The following ADAM22 variants were observed in gnomAD, a reference collection of about 807,000 sequenced individuals.
ADAM22 encodes the protein disintegrin and metalloproteinase domain-containing protein 22.
ADAM22 carries 65 observed loss-of-function variants against 144.6 expected under a neutral mutation model. The ratio of observed to expected loss-of-function variants is 0.45; its 90% CI spans 0.37 to 0.55. The LOEUF is 0.55. Among genes scored for constraint, ADAM22 ranks in the 20% least tolerant of loss-of-function variants. The probability of loss-of-function intolerance (pLI) is 0.00; values close to 1 mark genes in which losing one functional copy is unlikely to be tolerated. For synonymous variants in ADAM22, 391 were observed against 412.6 expected (o/e 0.95, Z 0.63); for missense variants, 974 against 1,184.9 (o/e 0.82, Z 2.61).
At chr7:88,154,288 C>T (rs1471892736) in intron 21 of ADAM22, among the ~76,000 whole-genome samples, 1 of 152,284 alleles carries the variant, frequency 6.6e-6, no homozygotes, top group South Asian at 2.1e-4. Flanking sequence ...ACCTATTCAA[C>T]AATTGTCCCC....
rs1826856290 is a variant in ADAM22, at chr7:88,113,708, ATATATATATATAT to A, written c.474-875_474-863del. Among the ~76,000 whole-genome samples, 55 of 93,732 alleles carry A rather than the reference ATATATATATATAT, an allele frequency of 5.9e-4. No homozygotes were observed. In the South Asian group the frequency reaches 7.6e-3, roughly 13 times the overall value. 61.5% of individuals were successfully genotyped at this position (93,732 alleles called of 152,430 possible). On this transcript the variant is annotated intron_variant, in intron 5 of 31. Coordinates refer to ENST00000413139, the MANE Select transcript of ADAM22 (RefSeq NM_001324418.2). ...ATATTATAAATAAATAAATAAATAT[ATATATATATATAT>A]ATATATATATATATATATAGTAAGT...
At chr7:88,012,038 C>T (rs201250443) in intron 3 of ADAM22, among the ~76,000 whole-genome samples, 29 of 137,866 alleles carry the variant, frequency 2.1e-4, no homozygotes, top group Non-Finnish European at 1.9e-4. Context: ...GTTTTTTTTT[C>T]TTTTTTTTTT....
intron 7 of ADAM22, among the ~76,000 whole-genome samples, chr7:88,120,497 A>C (rs553670317): frequency 6.6e-6 from 1 of 152,242 alleles, no homozygotes; most frequent in South Asian, 2.1e-4. Context: ...CTTGACCAAC[A>C]TTTGCTCTGT....
intron 24 of ADAM22, among the ~76,000 whole-genome samples, chr7:88,166,239 T>A (rs982327485): frequency 1.4e-4 from 22 of 152,192 alleles, no homozygotes; most frequent in African/African-American, 4.3e-4. Context: ...GTGGAAGTAG[T>A]CATAACTCTT....
chr7:88,056,308 A>G (rs939708686), intron 3 of ADAM22, among the ~76,000 whole-genome samples: 2 of 152,206 alleles, frequency 1.3e-5, no homozygotes, highest in African/African-American at 4.8e-5. Context: ...AAGTTGAGAG[A>G]GCCATGAGAA....
intron 2 of ADAM22, among the ~76,000 whole-genome samples, chr7:87,935,706 T>C (rs1454788332): frequency 2.0e-5 from 3 of 152,224 alleles, no homozygotes; most frequent in African/African-American, 4.8e-5. Context: ...ACCAGAGATA[T>C]GCCCATTCAC....
At chr7:88,003,108 T>TG (rs1562996095) in intron 3 of ADAM22, among the ~76,000 whole-genome samples, 1 of 152,178 alleles carries the variant, frequency 6.6e-6, no homozygotes, top group East Asian at 1.9e-4. Flanking sequence ...AAATTTTATC[T>TG]GGGAAAGGCA....
chr7:88,142,919 T>G (rs926866143), intron 14 of ADAM22, 107 bp from the exon 15 acceptor site: 2 of 638,574 alleles, frequency 3.1e-6, no homozygotes, highest in Non-Finnish European at 5.6e-6. Context: ...TAGACTTTAT[T>G]CCCTCATTTT....
At chr7:88,046,206 C>G (rs1050066434) in intron 3 of ADAM22, among the ~76,000 whole-genome samples, 5 of 152,088 alleles carry the variant, frequency 3.3e-5, no homozygotes, top group African/African-American at 4.8e-5. Flanking sequence ...GTTCCTTTTT[C>G]TCTACATCCT....
At chr7:88,187,666 A>G (rs1274896293) in intron 30 of ADAM22, among the ~76,000 whole-genome samples, 1 of 152,230 alleles carries the variant, frequency 6.6e-6, no homozygotes, top group East Asian at 1.9e-4. Flanking sequence ...CAATTTTACA[A>G]TAAACTTTCA....
At chr7:88,116,959 G>A in intron 7 of ADAM22, 145 bp downstream of exon 7, 1 of 588,026 alleles carries the variant, frequency 1.7e-6, no homozygotes, top group African/African-American at 1.9e-5. Context: ...ACGTCAAGAG[G>A]GAGAATAAAA....
intron 3 of ADAM22, among the ~76,000 whole-genome samples, chr7:87,978,717 A>G (rs1852513477): frequency 6.6e-6 from 1 of 152,336 alleles, no homozygotes; most frequent in Admixed American, 6.5e-5. Context: ...AATTATGACA[A>G]TAATACTTTG....
chr7:88,189,411 G>C (rs1849082136), intron 30 of ADAM22, among the ~76,000 whole-genome samples: 1 of 152,178 alleles, frequency 6.6e-6, no homozygotes, highest in Non-Finnish European at 1.5e-5. Context: ...CATGTATCCA[G>C]TGCCTATGAT....
chr7:88,057,811 A>G (rs1226285079), intron 3 of ADAM22, among the ~76,000 whole-genome samples: 1 of 152,210 alleles, frequency 6.6e-6, no homozygotes, highest in East Asian at 1.9e-4. Flanking sequence ...AGAGAGTGGA[A>G]AGGTCACCTT....
chr7:88,123,522 G>A (rs935075241), intron 7 of ADAM22, among the ~76,000 whole-genome samples: 10 of 151,756 alleles, frequency 6.6e-5, no homozygotes, highest in East Asian at 1.9e-4. Context: ...TAATATCCTC[G>A]TATTATCTTT....
chr7:87,956,987 C>T (rs1449508879), intron 2 of ADAM22, among the ~76,000 whole-genome samples: 1 of 152,084 alleles, frequency 6.6e-6, no homozygotes, highest in African/African-American at 2.4e-5. Flanking sequence ...CTGTTCTGTT[C>T]TATTTCATTT....
chr7:88,138,085 G>T (rs1402943472), intron 14 of ADAM22, among the ~76,000 whole-genome samples: 1 of 152,136 alleles, frequency 6.6e-6, no homozygotes, highest in Non-Finnish European at 1.5e-5. Flanking sequence ...TTCCAGGGAG[G>T]TTGAGGCTGC....
In ADAM22 at chr7:88,081,932, G is replaced by A. The variant is rs566088664; in HGVS notation, c.390+6240G>A. On this transcript the variant is annotated intron_variant, in intron 4 of 31. Transcript: ENST00000413139. Reference sequence around the variant, plus strand: ...ACTGCCCAAGGTAATTTATAGATTCGATGCCATCCCCATCAAGCTACCAAT... The same window carrying A: ...ACTGCCCAAGGTAATTTATAGATTCAATGCCATCCCCATCAAGCTACCAAT... Among the ~76,000 whole-genome samples the A allele has an allele frequency of 6.0e-3, 912 of 151,318 alleles. 8 individuals carry two copies. The highest frequency in any genetic ancestry group is 0.02 in the South Asian group (92 of 4,716).
At chr7:88,081,028 G>A (rs62486403) in intron 4 of ADAM22, among the ~76,000 whole-genome samples, 338 of 152,186 alleles carry the variant, frequency 2.2e-3, no homozygotes, top group South Asian at 3.9e-3. Flanking sequence ...GCCTGGCAGA[G>A]ACACACAAAA....
Sources: allele counts gnomAD v4.1 joint callset (sites outside exome capture counted in the v4.1 genomes callset), GRCh38; gene constraint gnomAD v4.1.1; transcripts MANE v1.5; gene names NCBI Gene and HGNC (gene_info 2026-07-23, HGNC 2026-07-21).